The following ZNF596 variants were observed in gnomAD, a reference collection of about 807,000 sequenced individuals.
The protein encoded by ZNF596 is zinc finger protein 596.
A neutral mutation model predicts 48.3 loss-of-function variants in ZNF596; 45 were observed. The observed-to-expected ratio is 0.93, with a 90% confidence interval of 0.73 to 1.19. The LOEUF is 1.19. ZNF596 is among the 50% of genes most tolerant of loss of function. The pLI, the probability that ZNF596 is intolerant of heterozygous loss-of-function variation, is 0.00. For synonymous variants in ZNF596, 270 were observed against 202.0 expected (o/e 1.34, Z -2.85); for missense variants, 848 against 599.7 (o/e 1.41, Z -4.32).
At chr8:238,786 A>T (rs1462007799) in intron 1 of ZNF596, among the ~76,000 whole-genome samples, 1 of 151,944 alleles carries the variant, frequency 6.6e-6, no homozygotes, top group Non-Finnish European at 1.5e-5. Context: ...CAGCCTGGGC[A>T]ACGCGAGTGA....
intron 5 of ZNF596, 24 bp from the exon 6 acceptor site, chr8:245,130 C>T: frequency 6.5e-7 from 1 of 1,546,888 alleles, no homozygotes; most frequent in Non-Finnish European, 8.7e-7. Flanking sequence ...CTTTAATAGT[C>T]TTTCATTTCA....
rs149146194 is a variant in ZNF596 at position 243,771 on chromosome 8, G to A, written c.189G>A (p.Glu63=). 1.9e-6 allele frequency: 3 copies of A among 1,613,636 alleles called. No homozygotes were observed. Among genetic ancestry groups the A allele is most frequent in the African/African-American group, 2.7e-5 (2 of 74,914 alleles). The part of the protein sequence containing the change: ...SVVLSQLEQV[E]KLSTQRISLL... ...TGCTTTCCCAATTGGAGCAAGTAGA[G>A]AAACTTTCAACACAAAGAATAAGCT... The change falls in exon 4 of 6, where the codon GAG becomes GAA. Residue 63 remains glutamate, a synonymous_variant. Transcript: ENST00000398612.
Position 245,563 on chromosome 8 carries a change from G to T in ZNF596, c.716G>T (p.Arg239Leu), listed in dbSNP as rs776103733. The change falls in exon 6 of 6, where the codon CGA (arginine) becomes CTA (leucine). Residue 239 changes from arginine (R) to leucine (L), a missense_variant. Coordinates refer to ENST00000398612, the MANE Select transcript of ZNF596 (RefSeq NM_001042416.3). Reference sequence around the variant, plus strand: ...GCCTTTACTCATTGCTCTGATCTTCGAAAACATGAGAGAACTCACACTGGA... The same window carrying T: ...GCCTTTACTCATTGCTCTGATCTTCTAAAACATGAGAGAACTCACACTGGA... ...GKAFTHCSDL[R>L]KHERTHTGEK... The T allele has an allele frequency of 6.2e-7, 1 of 1,613,860 alleles. No homozygotes were observed. Among genetic ancestry groups the T allele is most frequent in the East Asian group, 2.2e-5 (1 of 44,818 alleles).
At chr8:233,306 C>T (rs562766911) in intron 1 of ZNF596, 12 of 322,868 alleles carry the variant, frequency 3.7e-5, no homozygotes, top group Middle Eastern at 4.0e-4. Flanking sequence ...AAGCCTAATT[C>T]CCAAATTCTT....
chr8:243,513 C>G (rs531664689), intron 3 of ZNF596: 14 of 433,818 alleles, frequency 3.2e-5, no homozygotes, highest in Admixed American at 2.8e-4. Flanking sequence ...GCATGGCCAT[C>G]AGCAATTATA....
At chr8:241,241 G>C (rs1796843094) in intron 2 of ZNF596, among the ~76,000 whole-genome samples, 1 of 152,092 alleles carries the variant, frequency 6.6e-6, no homozygotes, top group Non-Finnish European at 1.5e-5. Context: ...CTATGTTATT[G>C]GCAGGAGTGG....
chr8:245,383 A>T lies in ZNF596; in HGVS notation c.536A>T (p.Asn179Ile), dbSNP rs1797024453. ...CTATTTGATTATGCCTTTATCCAAA[A>T]CTCTGCCCTTAGACCACACAGTGTG... ...SHLFDYAFIQ[N>I]SALRPHSVTH... The change falls in exon 6 of 6, where the codon AAC becomes ATC. Residue 179 changes from asparagine to isoleucine, a missense_variant. Physicochemically the swap from Asn to Ile is moderately radical, Grantham distance 149. Transcript: ENST00000398612. 6.2e-7 allele frequency: 1 copy of T among 1,614,028 alleles called. No homozygotes were observed.
intron 1 of ZNF596, among the ~76,000 whole-genome samples, chr8:239,751 A>G (rs1160806970): frequency 1.3e-5 from 2 of 152,134 alleles, no homozygotes; most frequent in Non-Finnish European, 2.9e-5. Flanking sequence ...CCCATCATTC[A>G]GGGATTTTTA....
chr8:243,855 G>A, intron 4 of ZNF596, 50 bp downstream of exon 4: 1 of 1,499,446 alleles, frequency 6.7e-7, no homozygotes, highest in Non-Finnish European at 9.2e-7. Context: ...AACATGGCCA[G>A]TGAGTGAGTA....
chr8:232,387 C>T (rs1273797110), upstream of ZNF596: 5 of 182,278 alleles, frequency 2.7e-5, no homozygotes, highest in Non-Finnish European at 5.1e-5. Context: ...GACCCGGAAA[C>T]GGATTCTCCG....
At chr8:232,257 G>A (rs1796427625), upstream of ZNF596, 1 of 163,884 alleles carries the variant, frequency 6.1e-6, no homozygotes, top group Non-Finnish European at 1.4e-5. Flanking sequence ...CGCAGCGGGG[G>A]CGGGAGGTCG....
rs200449135 is a variant in ZNF596, at chr8:240,907, G to C, written c.12G>C (p.Pro4=). 6.2e-7 allele frequency: 1 copy of C among 1,613,924 alleles called. No individual in the cohort carries two copies. Among genetic ancestry groups the C allele is most frequent in the African/African-American group, 1.3e-5 (1 of 74,900 alleles). MPS[P]DSMTFEDIIV... The stretch of plus-strand genomic sequence containing the variant: ...GCTGAGCTAGTACAATGCCATCACC[G>C]GTGAGTGGGAAATTCTTCTTTCTAC... The change falls in exon 2 of 6, where the codon CCG becomes CCC. Residue 4 remains proline (P), a splice_region_variant and synonymous_variant. Coordinates refer to ENST00000398612, the MANE Select transcript of ZNF596 (RefSeq NM_001042416.3).
At chr8:232,900 G>T in intron 1 of ZNF596, 1 of 468,444 alleles carries the variant, frequency 2.1e-6, no homozygotes, top group Admixed American at 2.4e-5. Flanking sequence ...TGGGGTAGGG[G>T]ACCTGCCCGA....
In ZNF596 at chr8:243,321, T is replaced by G. The variant is rs1294748572; in HGVS notation, c.139+308T>G. The stretch of plus-strand genomic sequence containing the variant: ...CACTGCTTTGGTATGCATAAATAAA[T>G]GTATTGATTTCTTTAAAGTAATTAT... On this transcript the variant is annotated intron_variant, in intron 3 of 5. Coordinates refer to ENST00000398612, the MANE Select transcript of ZNF596 (RefSeq NM_001042416.3). 11 of 276,296 alleles carry G rather than the reference T, an allele frequency of 4.0e-5. No individual in the cohort carries two copies. In the East Asian group the frequency reaches 7.0e-4, roughly 18 times the overall value. The allele number at this position is 276,296 out of a possible 1,614,324, so 17.1% of individuals were successfully genotyped here.
In ZNF596 at chr8:246,596, G is replaced by C; in HGVS notation, c.*234G>C. The C allele has an allele frequency of 2.3e-6, 1 of 428,238 alleles. No homozygotes were observed. The highest frequency in any genetic ancestry group is 4.0e-6 in the Non-Finnish European group (1 of 248,468). The allele number at this position is 428,238 out of a possible 1,614,324, so 26.5% of individuals were successfully genotyped here. On this transcript the variant is annotated 3_prime_UTR_variant, in exon 6 of 6. Transcript: ENST00000398612. ...TGAAACTATAGATCAAAGGAATGTGGAGGAGTCTTCATCCACAGCTCTGTT... is the reference window on the plus strand; with the variant it reads ...TGAAACTATAGATCAAAGGAATGTGCAGGAGTCTTCATCCACAGCTCTGTT...
At chr8:243,867 G>T in intron 4 of ZNF596, 62 bp downstream of exon 4, 2 of 1,385,046 alleles carry the variant, frequency 1.4e-6, no homozygotes, top group Non-Finnish European at 1.0e-6. Context: ...GAGTGAGTAG[G>T]ACCCAACAGT....
chr8:240,644 C>G lies in ZNF596; in HGVS notation c.-72-180C>G, dbSNP rs568089841. ...AGGTCTAAAATAAAAATATTTATAT[C>G]TTTATTAGCAGCAATAGTCATTTCT... On this transcript the variant is annotated intron_variant, in intron 1 of 5. Coordinates refer to ENST00000398612, the MANE Select transcript of ZNF596 (RefSeq NM_001042416.3). 154 of 505,610 alleles carry G rather than the reference C, an allele frequency of 3.0e-4. 4 individuals are homozygous for G. In the South Asian group the frequency reaches 4.5e-3, roughly 15 times the overall value. The allele number at this position is 505,610 out of a possible 1,614,324, so 31.3% of individuals were successfully genotyped here.
intron 5 of ZNF596, 97 bp downstream of exon 5, chr8:244,798 C>T (rs1584914197): frequency 3.1e-6 from 3 of 983,374 alleles, no homozygotes; most frequent in East Asian, 2.5e-5. Flanking sequence ...TACTTAAAGC[C>T]CTCCCAGCAG....
At chr8:240,683 G>C in intron 1 of ZNF596, 141 bp from the exon 2 acceptor site, 1 of 593,194 alleles carries the variant, frequency 1.7e-6, no homozygotes, top group South Asian at 2.2e-5. Flanking sequence ...GACCCTGGGA[G>C]AGGAGAGCCA....
Sources: gnomAD v4.1 joint callset for allele counts (sites outside exome capture counted in the v4.1 genomes callset) on GRCh38, gnomAD v4.1.1 for gene constraint, MANE v1.5 for transcripts, NCBI Gene and HGNC (gene_info 2026-07-23, HGNC 2026-07-21) for gene names.